Variants in TCTN2 observed in about 807,000 individuals in gnomAD.
TCTN2 encodes the protein tectonic-2.
A neutral mutation model predicts 83.4 loss-of-function variants in TCTN2; 66 were observed. The ratio of observed to expected loss-of-function variants is 0.79; its 90% confidence interval spans 0.65 to 0.97. The LOEUF is 0.97. Among genes scored for constraint, TCTN2 ranks in the 50% least tolerant of loss-of-function variants. The pLI is 0.00. For synonymous variants in TCTN2, 301 were observed against 326.7 expected (o/e 0.92, Z 0.85); for missense variants, 794 against 858.1 (o/e 0.93, Z 0.93).
intron 8 of TCTN2, among the ~76,000 whole-genome samples, chr12:123,691,731 T>G (rs1956043458): frequency 7.8e-6 from 1 of 127,934 alleles, no homozygotes; most frequent in African/African-American, 3.0e-5. Context: ...TTTTTTTTTG[T>G]TTTTTTGGTT....
At chr12:123,707,147 G>C (rs1956240422) in intron 17 of TCTN2, 74 bp downstream of exon 17, 1 of 1,225,708 alleles carries the variant, frequency 8.2e-7, no homozygotes, top group South Asian at 1.3e-5. Flanking sequence ...ATGTCTAAAT[G>C]TTACAGAAAG....
In TCTN2 at chr12:123,706,985, A is replaced by T; in HGVS notation, c.1896A>T (p.Arg632Ser). The T allele has an allele frequency of 6.2e-7, 1 of 1,614,126 alleles. No individual in the cohort carries two copies. Among genetic ancestry groups the T allele is most frequent in the Non-Finnish European group, 8.5e-7 (1 of 1,180,014 alleles). ...TGTAACCCTCTAAAATGTTTTCTAG[A>T]TTCCAGATCAATTATACAGAGTATG... Reference protein sequence around the residue: ...IPAQLPHPLTRFQINYTEYDC... With the variant: ...IPAQLPHPLTSFQINYTEYDC... The change falls in exon 17 of 18, where the codon AGA becomes AGT. Residue 632 changes from arginine to serine, a missense_variant and splice_region_variant. Transcript: ENST00000303372.
At chr12:123,679,409 T>C (rs1464597645) in intron 5 of TCTN2, 120 bp downstream of exon 5, 1 of 921,096 alleles carries the variant, frequency 1.1e-6, no homozygotes, top group African/African-American at 1.6e-5. Context: ...TCACCCAGGC[T>C]GGAGTATGGT....
chr12:123,694,734 C>A (rs975270153), intron 9 of TCTN2, 108 bp from the exon 10 acceptor site: 21 of 1,179,648 alleles, frequency 1.8e-5, no homozygotes, highest in Non-Finnish European at 2.5e-5. Flanking sequence ...ATAGGGAGGG[C>A]AGGGGCAGGG....
At chr12:123,697,664 G>A (rs1463211483) in intron 13 of TCTN2, among the ~76,000 whole-genome samples, 1 of 151,366 alleles carries the variant, frequency 6.6e-6, no homozygotes, top group Admixed American at 6.6e-5. Flanking sequence ...CACGCCTGCT[G>A]ATTTTTTTTG....
chr12:123,690,715 A>G (rs1566254590), intron 8 of TCTN2, 41 bp downstream of exon 8: 5 of 1,609,114 alleles, frequency 3.1e-6, no homozygotes, highest in Admixed American at 3.3e-5. Flanking sequence ...AGGCCCAAAC[A>G]TGAATATAAA....
intron 9 of TCTN2, among the ~76,000 whole-genome samples, chr12:123,694,064 A>G (rs1300041311): frequency 6.8e-6 from 1 of 148,138 alleles, no homozygotes; most frequent in Non-Finnish European, 1.5e-5. Context: ...CACAGTCTCC[A>G]CTCACTGCAA....
intron 5 of TCTN2, among the ~76,000 whole-genome samples, chr12:123,680,513 T>C (rs909437537): frequency 1.3e-5 from 2 of 149,524 alleles, no homozygotes; most frequent in Admixed American, 6.7e-5. Flanking sequence ...TTCTTTCTTT[T>C]TTCTTTCTTT....
chr12:123,696,312 T>G, intron 11 of TCTN2, 103 bp from the exon 12 acceptor site: 1 of 976,366 alleles, frequency 1.0e-6, no homozygotes, highest in Non-Finnish European at 1.7e-6. Context: ...AAGCTTCGCC[T>G]ATGTGTTTTC....
At chr12:123,696,070 C>A in intron 11 of TCTN2, 1 of 323,632 alleles carries the variant, frequency 3.1e-6, no homozygotes, top group East Asian at 8.0e-5. Flanking sequence ...TCTCGAACTC[C>A]TGACCTCAGG....
At chr12:123,690,943 A>G (rs1031614627) in intron 8 of TCTN2, among the ~76,000 whole-genome samples, 1 of 151,986 alleles carries the variant, frequency 6.6e-6, no homozygotes, top group Non-Finnish European at 1.5e-5. Context: ...ATCTCGGCTC[A>G]CTGTACCCTC....
intron 7 of TCTN2, among the ~76,000 whole-genome samples, chr12:123,689,579 TG>T (rs949237858): frequency 6.6e-6 from 1 of 152,188 alleles, no homozygotes; most frequent in East Asian, 1.9e-4. Flanking sequence ...ACTTGTGTCA[TG>T]GGGTTTTGTT....
chr12:123,697,147 T>C lies in TCTN2; in HGVS notation c.1454T>C (p.Leu485Pro). Residue 485 changes from leucine (L) to proline (P), a missense_variant, in exon 13 of 18, where the codon CTC becomes CCC. By Grantham distance (98) the Leu-to-Pro change is moderately conservative. Transcript: ENST00000303372. The part of the protein sequence containing the change: ...FKPILFGENV[L>P]SGCLLEVGIN... ...CCCATTTTATTTGGAGAAAATGTAC[T>C]CTCTGGATGCCTGTTAGAAGTCGGG... 1.2e-6 allele frequency: 2 copies of C among 1,614,070 alleles called. No individual in the cohort carries two copies. The highest frequency in any genetic ancestry group is 8.5e-7 in the Non-Finnish European group (1 of 1,179,962).
At chr12:123,692,878 G>A (rs917952535) in intron 9 of TCTN2, among the ~76,000 whole-genome samples, 155 bp downstream of exon 9, 15 of 152,048 alleles carry the variant, frequency 9.9e-5, no homozygotes, top group African/African-American at 3.4e-4. Context: ...TTTGTTCCTC[G>A]TTCTGTCCTG....
intron 14 of TCTN2, among the ~76,000 whole-genome samples, chr12:123,702,999 A>C (rs935976578): frequency 6.6e-6 from 1 of 152,070 alleles, no homozygotes; most frequent in Non-Finnish European, 1.5e-5. Context: ...AACCTACCCT[A>C]CTTCCTCCAA....
Position 123,704,601 on chromosome 12 carries a change from C to G in TCTN2, c.1682C>G (p.Pro561Arg), listed in dbSNP as rs867099955. Residue 561 changes from proline (P) to arginine (R), a missense_variant, in exon 15 of 18, where the codon CCT (proline) becomes CGT (arginine). By Grantham distance (103) the Pro-to-Arg change is moderately radical. Transcript: ENST00000303372. ...SSVNGMCLDIPAHLSIRILIS... is the reference protein window; with the variant it reads ...SSVNGMCLDIRAHLSIRILIS... ...GTGAACGGCATGTGCCTGGATATTCCTGCTCACCTGAGCATCCGCATCCTC... is the reference window on the plus strand; with the variant it reads ...GTGAACGGCATGTGCCTGGATATTCGTGCTCACCTGAGCATCCGCATCCTC... The G allele has an allele frequency of 6.2e-7, 1 of 1,613,360 alleles. No individual in the cohort carries two copies. The highest frequency in any genetic ancestry group is 1.7e-4 in the Middle Eastern group (1 of 6,060).
In TCTN2 at chr12:123,697,206, T is replaced by A. The variant is rs1408417268; in HGVS notation, c.1505+8T>A. 3.2e-6 allele frequency: 5 copies of A among 1,568,574 alleles called. No individual in the cohort carries two copies. Among genetic ancestry groups the A allele is most frequent in the Non-Finnish European group, 4.4e-6 (5 of 1,138,298 alleles). ...AAATTGTACTCAGCTCAGGTGAGTG[T>A]TTCATTGATGAATATATCGGCAATG... is the stretch of plus-strand genomic sequence containing the variant. On this transcript the variant is annotated splice_region_variant and intron_variant, in intron 13 of 17. Transcript: ENST00000303372.
Position 123,696,306 on chromosome 12 carries a change from T to C in TCTN2, c.1313-109T>C, listed in dbSNP as rs1956107645. The C allele has an allele frequency of 3.2e-6, 3 of 927,676 alleles. No individual in the cohort carries two copies. In the East Asian group the frequency reaches 7.3e-5, roughly 23 times the overall value. 57.5% of individuals were successfully genotyped at this position (927,676 alleles called of 1,614,324 possible). ...TTCTCTCAAGGGTATTTTCGAAAGC[T>C]TCGCCTATGTGTTTTCTTTCCTTGT... On this transcript the variant is annotated intron_variant, in intron 11 of 17. Coordinates refer to ENST00000303372, the MANE Select transcript of TCTN2 (RefSeq NM_024809.5).
chr12:123,673,388 A>G (rs1955779686), intron 3 of TCTN2, among the ~76,000 whole-genome samples: 1 of 152,190 alleles, frequency 6.6e-6, no homozygotes, highest in African/African-American at 2.4e-5. Flanking sequence ...AGCTTTCTCT[A>G]AGTATCCCGA....
Sources: gnomAD v4.1 joint callset for allele counts (sites outside exome capture counted in the v4.1 genomes callset) on GRCh38, gnomAD v4.1.1 for gene constraint, MANE v1.5 for transcripts, NCBI Gene and HGNC (gene_info 2026-07-23, HGNC 2026-07-21) for gene names.